CADM1: variants seen among roughly 807,000 people sequenced by gnomAD.
The protein encoded by CADM1 is cell adhesion molecule 1, also known as TSLC-1.
Under a neutral mutation model 53.1 loss-of-function variants are expected in CADM1, and 15 were observed. The observed-to-expected ratio is 0.28, with a 90% CI of 0.19 to 0.44. CADM1 has a LOEUF of 0.44. CADM1 is among the 20% of genes least tolerant of loss of function. CADM1 has a pLI of 1.00. For synonymous variants in CADM1, 281 were observed against 243.0 expected, an observed-to-expected ratio of 1.16 and a Z score of -1.45; for missense variants, 434 against 611.3, an observed-to-expected ratio of 0.71 and a Z score of 3.06.
intron 1 of CADM1, among the ~76,000 whole-genome samples, chr11:115,394,607 A>C (rs1327663889): frequency 6.6e-6 from 1 of 152,230 alleles, no homozygotes; most frequent in Non-Finnish European, 1.5e-5. Flanking sequence ...TGATTAAACT[A>C]TTCTTTTAAT....
chr11:115,201,623 A>G (rs546744891), intron 8 of CADM1, among the ~76,000 whole-genome samples: 14 of 152,340 alleles, frequency 9.2e-5, no homozygotes, highest in African/African-American at 3.1e-4. Context: ...ATTTCAATGT[A>G]AGTGATAAAT....
intron 9 of CADM1, among the ~76,000 whole-genome samples, chr11:115,192,309 C>A (rs1939915832): frequency 2.6e-5 from 4 of 152,150 alleles, no homozygotes. Flanking sequence ...TAGTTAACAG[C>A]AGGTGCTGAT....
At position 115,211,722 on chromosome 11, in the gene CADM1, C is replaced by G. The variant is rs184861101; in HGVS notation, c.995-2065G>C. On this transcript the variant is annotated intron_variant, in intron 7 of 11. Coordinates refer to ENST00000331581, the MANE Select transcript of CADM1 (RefSeq NM_001301043.2). ...GCCAGGCTGGTCTCAAACTCCTGAC[C>G]TTGTGATCCACCCACCTCGGCCTCC... Among the ~76,000 whole-genome samples, 899 of 151,498 alleles carry G rather than the reference C, an allele frequency of 5.9e-3. 4 individuals are homozygous for G. The highest frequency in any genetic ancestry group is 0.018 in the African/African-American group (724 of 41,308).
intron 1 of CADM1, among the ~76,000 whole-genome samples, chr11:115,340,637 TATATATATATA>T (rs1565375006): frequency 1.1e-3 from 38 of 34,268 alleles, no homozygotes; most frequent in African/African-American, 3.5e-3. Context: ...TATATATATA[TATATATATATA>T]TATATATATA....
Position 115,381,113 on chromosome 11 carries a change from G to A in CADM1, c.124+123158C>T, listed in dbSNP as rs899985298. Among the ~76,000 whole-genome samples, 12 of 152,006 alleles carry A rather than the reference G, an allele frequency of 7.9e-5. 1 individual carries two copies. The highest frequency in any genetic ancestry group is 2.6e-4 in the Admixed American group (4 of 15,270). Reference sequence around the variant, plus strand: ...AGTTCGAGACCAGCCTGGCCAAGGTGGTGAAACCCCATCTCTACTAAAAAT... The same window carrying A: ...AGTTCGAGACCAGCCTGGCCAAGGTAGTGAAACCCCATCTCTACTAAAAAT... On this transcript the variant is annotated intron_variant, in intron 1 of 11. Coordinates refer to ENST00000331581, the MANE Select transcript of CADM1 (RefSeq NM_001301043.2).
At chr11:115,373,185 C>T (rs548408281) in intron 1 of CADM1, among the ~76,000 whole-genome samples, 1 of 152,290 alleles carries the variant, frequency 6.6e-6, no homozygotes, top group Middle Eastern at 3.4e-3. Context: ...TAACTGCAGC[C>T]TGGCTTTCAC....
intron 1 of CADM1, among the ~76,000 whole-genome samples, chr11:115,339,655 C>A (rs572207813): frequency 6.6e-6 from 1 of 152,084 alleles, no homozygotes; most frequent in Admixed American, 6.6e-5. Context: ...ATTATTTCAT[C>A]ATGTATAGTC....
Position 115,217,799 on chromosome 11 carries a change from C to A in CADM1, c.821+93G>T, listed in dbSNP as rs1941249638. The A allele has an allele frequency of 1.2e-5, 10 of 809,356 alleles. No homozygotes were observed. In the South Asian group the frequency reaches 1.3e-4, roughly 11 times the overall value. The allele number at this position is 809,356 out of a possible 1,614,324, so 50.1% of individuals were successfully genotyped here. On this transcript the variant is annotated intron_variant, in intron 6 of 11. Transcript: ENST00000331581. ...ACCATCCATCCTTTGCAGCAGGAGA[C>A]AGGTGACAGGCCAAGGACTGGTGAA...
At chr11:115,188,987 C>T (rs982533973) in intron 10 of CADM1, among the ~76,000 whole-genome samples, 2 of 152,004 alleles carry the variant, frequency 1.3e-5, no homozygotes, top group African/African-American at 2.4e-5. Context: ...GCATCCCCTT[C>T]GAACAAAGGT....
chr11:115,472,880 G>GA (rs1208609749), intron 1 of CADM1, among the ~76,000 whole-genome samples: 7 of 151,330 alleles, frequency 4.6e-5, no homozygotes, highest in African/African-American at 9.7e-5. Context: ...CCTAGAAAGC[G>GA]AAAAAAAACC....
intron 1 of CADM1, among the ~76,000 whole-genome samples, chr11:115,282,101 AT>A (rs1452526052): frequency 6.6e-6 from 1 of 152,190 alleles, no homozygotes; most frequent in Non-Finnish European, 1.5e-5. Context: ...TAGACTCTTA[AT>A]AAAAAGAAGA....
intron 1 of CADM1, among the ~76,000 whole-genome samples, chr11:115,486,353 T>C (rs979443324): frequency 1.5e-4 from 23 of 152,136 alleles, no homozygotes; most frequent in African/African-American, 5.1e-4. Context: ...ATTTATTTGT[T>C]TATGTATTTA....
chr11:115,235,355 T>C (rs1036257253), intron 3 of CADM1, among the ~76,000 whole-genome samples: 5 of 152,140 alleles, frequency 3.3e-5, no homozygotes, highest in African/African-American at 1.2e-4. Context: ...AGTATAAAAA[T>C]CCATTTATAA....
intron 1 of CADM1, among the ~76,000 whole-genome samples, chr11:115,286,833 ACCT>A (rs565470228): frequency 6.6e-6 from 1 of 152,142 alleles, no homozygotes; most frequent in Non-Finnish European, 1.5e-5. Flanking sequence ...AGGTTGCCGC[ACCT>A]CCTGTCACAT....
chr11:115,199,497 C>G (rs1940321042), intron 8 of CADM1, among the ~76,000 whole-genome samples: 1 of 152,170 alleles, frequency 6.6e-6, no homozygotes, highest in South Asian at 2.1e-4. Context: ...TGTACTTGCT[C>G]CTGTTCACAA....
chr11:115,240,080 T>A (rs1273672716), intron 2 of CADM1, among the ~76,000 whole-genome samples, 194 bp downstream of exon 2: 1 of 152,200 alleles, frequency 6.6e-6, no homozygotes. Flanking sequence ...ACTGCCTTAC[T>A]TTTAAAAGGG....
chr11:115,334,436 G>T (rs1337812979), intron 1 of CADM1, among the ~76,000 whole-genome samples: 2 of 151,830 alleles, frequency 1.3e-5, no homozygotes, highest in African/African-American at 4.8e-5. Flanking sequence ...GGGCCAATGG[G>T]GGTCTAAAAA....
At chr11:115,303,695 C>T (rs1270032991) in intron 1 of CADM1, among the ~76,000 whole-genome samples, 1 of 152,024 alleles carries the variant, frequency 6.6e-6, no homozygotes, top group Non-Finnish European at 1.5e-5. Context: ...TCTACTCTTT[C>T]CTCGGAGAAG....
intron 1 of CADM1, among the ~76,000 whole-genome samples, chr11:115,470,950 G>C (rs1400839337): frequency 2.0e-5 from 3 of 152,196 alleles, no homozygotes. Flanking sequence ...TCTGCAGTAC[G>C]TGCTCCCTTT....
Sources: allele counts gnomAD v4.1 joint callset (sites outside exome capture counted in the v4.1 genomes callset), GRCh38; gene constraint gnomAD v4.1.1; transcripts MANE v1.5; gene names NCBI Gene and HGNC (gene_info 2026-07-23, HGNC 2026-07-21).